Variants in GXYLT1 observed in about 807,000 individuals in gnomAD.
The protein encoded by GXYLT1 is glycosyltransferase 8 domain containing 3.
In GXYLT1, 29 loss-of-function variants were observed where a neutral mutation model predicts 54.0. The observed-to-expected ratio is 0.54, with a 90% CI of 0.40 to 0.73. The LOEUF is 0.73. Among genes scored for constraint, GXYLT1 ranks in the 30% least tolerant of loss-of-function variants. The pLI, the probability that GXYLT1 is intolerant of heterozygous loss-of-function variation, is 0.00. For missense variants in GXYLT1, 490 were observed against 553.4 expected, an observed-to-expected ratio of 0.89 and a Z score of 1.15; for synonymous variants, 176 against 204.1, an observed-to-expected ratio of 0.86 and a Z score of 1.17.
At chr12:42,111,101 C>A (rs983715244) in intron 3 of GXYLT1, among the ~76,000 whole-genome samples, 1 of 152,196 alleles carries the variant, frequency 6.6e-6, no homozygotes, top group Non-Finnish European at 1.5e-5. Flanking sequence ...ATTCTCTTAA[C>A]CCCTAGGACA....
intron 1 of GXYLT1, among the ~76,000 whole-genome samples, chr12:42,140,197 A>AGGAGG (rs71084617): frequency 3.2e-5 from 1 of 31,300 alleles, no homozygotes; most frequent in African/African-American, 1.4e-4. Context: ...AAAAAAAAAA[A>AGGAGG]GGCGGGGGGG....
Position 42,109,008 on chromosome 12 carries a change from A to C in GXYLT1, c.612+558T>G, listed in dbSNP as rs539166597. The stretch of plus-strand genomic sequence containing the variant: ...AACATTTGTATATAAAAAAGAAAAA[A>C]AAATCAAGGTTTATCATAGAACATT... On this transcript the variant is annotated intron_variant, in intron 4 of 7. Coordinates refer to ENST00000398675, the MANE Select transcript of GXYLT1 (RefSeq NM_173601.2). Among the ~76,000 whole-genome samples, 152 of 152,346 alleles carry C rather than the reference A, an allele frequency of 1.0e-3. 2 individuals are homozygous for C. The highest frequency in any genetic ancestry group is 3.5e-3 in the African/African-American group (146 of 41,588).
intron 1 of GXYLT1, among the ~76,000 whole-genome samples, chr12:42,143,960 A>C (rs753924319): frequency 2.6e-5 from 4 of 152,174 alleles, no homozygotes; most frequent in Non-Finnish European, 5.9e-5. Context: ...GCGTTAACAC[A>C]GGAAAATCAG....
At chr12:42,116,832 T>C (rs1333964288) in intron 3 of GXYLT1, among the ~76,000 whole-genome samples, 1 of 152,202 alleles carries the variant, frequency 6.6e-6, no homozygotes, top group Non-Finnish European at 1.5e-5. Context: ...TGCACATGTA[T>C]GTTTATTGTG....
chr12:42,087,838 T>G lies in GXYLT1; in HGVS notation c.1271A>C (p.Gln424Pro). 6.2e-7 allele frequency: 1 copy of G among 1,608,038 alleles called. No individual in the cohort carries two copies. Among genetic ancestry groups the G allele is most frequent in the Non-Finnish European group, 8.5e-7 (1 of 1,177,536 alleles). Reference protein sequence around the residue: ...CGKIYKIFIKQLAKSVRDRYA... With the variant: ...CGKIYKIFIKPLAKSVRDRYA... Reference sequence around the variant, plus strand: ...ACGATCTCTTACACTTTTTGCTAGTTGTTTGATAAATATTTTGTAAATTTT... The same window carrying G: ...ACGATCTCTTACACTTTTTGCTAGTGGTTTGATAAATATTTTGTAAATTTT... Residue 424 changes from glutamine (Q) to proline (P), a missense_variant, in exon 8 of 8, where the codon CAA becomes CCA. By Grantham distance (76) the Gln-to-Pro change is moderately conservative. Transcript: ENST00000398675.
chr12:42,092,704 A>G (rs1204283145), intron 7 of GXYLT1, among the ~76,000 whole-genome samples: 1 of 152,232 alleles, frequency 6.6e-6, no homozygotes, highest in Non-Finnish European at 1.5e-5. Context: ...CAACAAAAAG[A>G]CAATACTTAA....
intron 7 of GXYLT1, among the ~76,000 whole-genome samples, chr12:42,092,905 T>C (rs2136874871): frequency 6.6e-6 from 1 of 152,282 alleles, no homozygotes; most frequent in South Asian, 2.1e-4. Context: ...TAAGAAACTT[T>C]ATGAACTTGT....
At chr12:42,095,973 A>G (rs370843737) in intron 7 of GXYLT1, among the ~76,000 whole-genome samples, 19 of 152,276 alleles carry the variant, frequency 1.2e-4, no homozygotes, top group African/African-American at 4.6e-4. Context: ...GGGGGTGGAG[A>G]CAATGGTATG....
rs1382150122 is a variant in GXYLT1, at chr12:42,144,731, G to C, written c.-85C>G. ...GGAGGGAGGGGCACCGCGCAGCCGC[G>C]GGCGCAACAAGTTCCTCACCCGCAG... On this transcript the variant is annotated 5_prime_UTR_variant, in exon 1 of 8. Coordinates refer to ENST00000398675, the MANE Select transcript of GXYLT1 (RefSeq NM_173601.2). The C allele has an allele frequency of 2.7e-5, 29 of 1,083,846 alleles. No individual in the cohort carries two copies. The highest frequency in any genetic ancestry group is 4.4e-5 in the Admixed American group (1 of 22,864). The allele number at this position is 1,083,846 out of a possible 1,614,324, so 67.1% of individuals were successfully genotyped here.
chr12:42,116,131 A>C (rs2065493183), intron 3 of GXYLT1, among the ~76,000 whole-genome samples: 1 of 152,092 alleles, frequency 6.6e-6, no homozygotes, highest in African/African-American at 2.4e-5. Flanking sequence ...AAATTAATTC[A>C]AGATGGATTA....
intron 3 of GXYLT1, among the ~76,000 whole-genome samples, chr12:42,116,403 G>C (rs931122038): frequency 6.6e-6 from 1 of 152,018 alleles, no homozygotes; most frequent in African/African-American, 2.4e-5. Flanking sequence ...CTAATATCCA[G>C]AATCTACAAT....
chr12:42,138,673 T>A (rs116075543), intron 1 of GXYLT1, among the ~76,000 whole-genome samples: 2,067 of 152,278 alleles, frequency 0.014, 56 homozygotes, highest in African/African-American at 0.046. Context: ...AATTTAAGTT[T>A]ATACGTAGGG....
chr12:42,123,580 ACTT>A (rs35265673), intron 2 of GXYLT1, among the ~76,000 whole-genome samples: 9,109 of 152,124 alleles, frequency 0.06, 402 homozygotes, highest in Non-Finnish European at 0.092. Flanking sequence ...TTAAGAATTG[ACTT>A]CTTATTTTAA....
intron 4 of GXYLT1, among the ~76,000 whole-genome samples, chr12:42,107,020 T>C (rs941163976): frequency 7.9e-5 from 12 of 152,160 alleles, no homozygotes; most frequent in Non-Finnish European, 1.8e-4. Flanking sequence ...GTGCTGGGAT[T>C]ACAGGCACGA....
chr12:42,114,881 A>C (rs963368005), intron 3 of GXYLT1, among the ~76,000 whole-genome samples: 1 of 152,050 alleles, frequency 6.6e-6, no homozygotes, highest in African/African-American at 2.4e-5. Context: ...AAAATCCTCA[A>C]TAAAATACTG....
At chr12:42,142,854 AAG>A (rs1565584135) in intron 1 of GXYLT1, among the ~76,000 whole-genome samples, 4 of 152,124 alleles carry the variant, frequency 2.6e-5, no homozygotes, top group Non-Finnish European at 2.9e-5. Flanking sequence ...CATTTTTACA[AAG>A]AGAGATAAAT....
In GXYLT1 at chr12:42,113,808, C is replaced by G. The variant is rs922769182; in HGVS notation, c.487-4117G>C. Among the ~76,000 whole-genome samples the G allele has an allele frequency of 7.3e-5, 11 of 151,040 alleles. 1 individual carries two copies. The highest frequency in any genetic ancestry group is 2.2e-4 in the African/African-American group (9 of 40,364). On this transcript the variant is annotated intron_variant, in intron 3 of 7. Transcript: ENST00000398675. ...TAGACATCTACAGAACTCTCCACCC[C>G]AAATCAACAGAATATACATTCTTTT...
chr12:42,142,097 A>G (rs2065655197), intron 1 of GXYLT1, among the ~76,000 whole-genome samples: 1 of 152,180 alleles, frequency 6.6e-6, no homozygotes, highest in South Asian at 2.1e-4. Flanking sequence ...ATGCAATAAT[A>G]CCTAAGTACT....
At chr12:42,105,714 A>G in intron 5 of GXYLT1, 104 bp downstream of exon 5, 2 of 751,950 alleles carry the variant, frequency 2.7e-6, no homozygotes, top group Non-Finnish European at 4.2e-6. Context: ...AAATAGAAAA[A>G]TTATTTATAG....
Sources: allele counts gnomAD v4.1 joint callset (sites outside exome capture counted in the v4.1 genomes callset), GRCh38; gene constraint gnomAD v4.1.1; transcripts MANE v1.5; gene names NCBI Gene and HGNC (gene_info 2026-07-23, HGNC 2026-07-21).